The following WEE2 variants were observed in gnomAD, a reference collection of about 807,000 sequenced individuals.
The protein encoded by WEE2 is WEE2 oocyte meiosis inhibiting kinase.
WEE2 carries 50 observed loss-of-function variants against 60.1 expected under a neutral mutation model. That is an observed-to-expected ratio of 0.83 (90% CI 0.66 to 1.05). The LOEUF (loss-of-function observed/expected upper bound fraction) is 1.05, where lower values mean the gene tolerates loss of function less well. Among genes scored for constraint, WEE2 ranks in the 50% least tolerant of loss-of-function variants. WEE2 has a pLI of 0.00. For synonymous variants in WEE2, 240 were observed against 241.0 expected (o/e 1.00, Z 0.04); for missense variants, 631 against 684.3 (o/e 0.92, Z 0.87).
chr7:141,719,177 A>C lies in WEE2; in HGVS notation c.691A>C (p.Lys231Gln). The C allele has an allele frequency of 1.2e-6, 2 of 1,614,072 alleles. No individual in the cohort carries two copies. The highest frequency in any genetic ancestry group is 1.7e-6 in the Non-Finnish European group (2 of 1,179,958). The change falls in exon 4 of 12, where the codon AAG (lysine) becomes CAG (glutamine). Residue 231 changes from lysine (K) to glutamine (Q), a missense_variant. Lys to Gln is a moderately conservative substitution (Grantham distance 53). Transcript: ENST00000397541. The stretch of plus-strand genomic sequence containing the variant: ...ATTTGGTACAGTCTACAAGTGCATT[A>C]AGAGGCTGGATGGATGTGTTTATGC... ...GEFGTVYKCIKRLDGCVYAIK... is the reference protein window; with the variant it reads ...GEFGTVYKCIQRLDGCVYAIK...
At position 141,714,417 on chromosome 7, in the gene WEE2, A is replaced by G; in HGVS notation, c.539+12A>G. 2 of 1,595,026 alleles carry G rather than the reference A, an allele frequency of 1.3e-6. No individual in the cohort carries two copies. The highest frequency in any genetic ancestry group is 1.1e-5 in the South Asian group (1 of 87,898). On this transcript the variant is annotated intron_variant, in intron 2 of 11. Coordinates refer to ENST00000397541, the MANE Select transcript of WEE2 (RefSeq NM_001105558.1). ...ATAAGAGGAGATCTGTAAGTGCTCT[A>G]TTACTTATGACTTTTGAGAACTGAC...
chr7:141,725,125 C>A lies in WEE2; in HGVS notation c.1321C>A (p.His441Asn). The change falls in exon 9 of 12, where the codon CAC becomes AAC. Residue 441 changes from histidine to asparagine, a missense_variant. Transcript: ENST00000397541. The part of the protein sequence containing the change: ...ESLPTNGAAW[H>N]HIRKGNFPDV... ...ATTGCCCACCAATGGTGCTGCATGG[C>A]ACCATATCCGCAAGGGTAACTTTCC... is the stretch of plus-strand genomic sequence containing the variant. 6.2e-7 allele frequency: 1 copy of A among 1,614,168 alleles called. No homozygotes were observed. The highest frequency in any genetic ancestry group is 8.5e-7 in the Non-Finnish European group (1 of 1,180,026).
chr7:141,710,193 C>T (rs1345941238), intron 1 of WEE2, among the ~76,000 whole-genome samples: 2 of 152,170 alleles, frequency 1.3e-5, no homozygotes, highest in African/African-American at 4.8e-5. Flanking sequence ...ACAGTCTCTG[C>T]CCTCAAAGAG....
intron 2 of WEE2, 122 bp downstream of exon 2, chr7:141,714,527 A>T: frequency 1.4e-6 from 1 of 701,606 alleles, no homozygotes; most frequent in Non-Finnish European, 2.3e-6. Flanking sequence ...ATATGCTTAC[A>T]TATTCTCCCC....
At chr7:141,728,603 T>C (rs1799062588) in intron 10 of WEE2, among the ~76,000 whole-genome samples, 1 of 152,192 alleles carries the variant, frequency 6.6e-6, no homozygotes, top group African/African-American at 2.4e-5. Context: ...GTGACTATCA[T>C]CAGCCAGTAC....
At chr7:141,729,988 T>TAAAAAA (rs752330849) in intron 11 of WEE2, among the ~76,000 whole-genome samples, 6 of 99,348 alleles carry the variant, frequency 6.0e-5, no homozygotes, top group Non-Finnish European at 1.3e-4. Flanking sequence ...ACTCTGTATC[T>TAAAAAA]AAAAAAAAAA....
intron 3 of WEE2, 108 bp downstream of exon 3, chr7:141,716,375 C>T: frequency 9.3e-7 from 1 of 1,076,570 alleles, no homozygotes; most frequent in Non-Finnish European, 1.4e-6. Flanking sequence ...CCCTTCTTCC[C>T]TACCCTCCCT....
At chr7:141,709,135 C>A in intron 1 of WEE2, 35 bp downstream of exon 1, 1 of 1,575,242 alleles carries the variant, frequency 6.3e-7, no homozygotes, top group Non-Finnish European at 8.7e-7. Flanking sequence ...GGACGCAGGT[C>A]GCCAAGCTCT....
In WEE2 at chr7:141,727,377, C is replaced by G. The variant is rs759776782; in HGVS notation, c.1466C>G (p.Ser489Cys). 1.2e-6 allele frequency: 2 copies of G among 1,614,060 alleles called. No homozygotes were observed. Among genetic ancestry groups the G allele is most frequent in the East Asian group, 2.2e-5 (1 of 44,884 alleles). The change falls in exon 10 of 12, where the codon TCC becomes TGC. Residue 489 changes from serine to cysteine, a missense_variant. Coordinates refer to ENST00000397541, the MANE Select transcript of WEE2 (RefSeq NM_001105558.1). ...GCCAGAAATACAGTTCTCCGGCCTT[C>G]CCTGGGAAAAACAGAAGAGCTCCAA... ...ALARNTVLRP[S>C]LGKTEELQQQ...
Position 141,723,967 on chromosome 7 carries a change from CA to C in WEE2, c.1057del (p.Ser353ValfsTer7). 6.2e-7 allele frequency: 1 copy of C among 1,610,116 alleles called. No individual in the cohort carries two copies. The highest frequency in any genetic ancestry group is 8.5e-7 in the Non-Finnish European group (1 of 1,178,414). On this transcript the variant is annotated frameshift_variant, in exon 7 of 12. Coordinates refer to ENST00000397541, the MANE Select transcript of WEE2 (RefSeq NM_001105558.1). LOFTEE classifies it high-confidence loss of function. Reference sequence around the variant, plus strand: ...TAATATATTCATTTGTCACAAGATGCAAAGTGAATCCTCTGGAGTCATAGAA... The same window carrying C: ...TAATATATTCATTTGTCACAAGATGCAAGTGAATCCTCTGGAGTCATAGAA... ...PSNIFICHKM[Q>X]SESSGVIEEV...
In WEE2 at chr7:141,721,634, AT is replaced by A. The variant is rs1051290672; in HGVS notation, c.880+587del. ...CCACCATGCCTGGCTAATTTTTTGT[AT>A]TTTTTTTTAATAGAGGCGGGGTTTC... On this transcript the variant is annotated intron_variant, in intron 5 of 11. Transcript: ENST00000397541. Among the ~76,000 whole-genome samples the A allele has an allele frequency of 4.0e-5, 6 of 150,244 alleles. 1 individual carries two copies. Among genetic ancestry groups the A allele is most frequent in the Admixed American group, 2.0e-4 (3 of 15,064 alleles).
At chr7:141,718,943 G>T in intron 3 of WEE2, 129 bp from the exon 4 acceptor site, 1 of 766,264 alleles carries the variant, frequency 1.3e-6, no homozygotes, top group Non-Finnish European at 2.1e-6. Flanking sequence ...GACCCAAGTA[G>T]AATTCATTGC....
At chr7:141,727,682 C>T in intron 10 of WEE2, 1 of 481,162 alleles carries the variant, frequency 2.1e-6, no homozygotes. Context: ...ACAAAGGAAG[C>T]AAGAGTGAGG....
intron 6 of WEE2, 127 bp from the exon 7 acceptor site, chr7:141,723,814 C>A: frequency 4.8e-6 from 3 of 621,166 alleles, no homozygotes; most frequent in East Asian, 2.9e-5. Context: ...AAAAAAAAAC[C>A]TTAGTAGTCT....
intron 3 of WEE2, 35 bp downstream of exon 3, chr7:141,716,302 T>C: frequency 6.2e-7 from 1 of 1,602,304 alleles, no homozygotes; most frequent in Non-Finnish European, 8.5e-7. Context: ...GGCCACAATA[T>C]AGGCAGTTTA....
At chr7:141,713,295 A>C (rs1242296945) in intron 1 of WEE2, among the ~76,000 whole-genome samples, 1 of 152,200 alleles carries the variant, frequency 6.6e-6, no homozygotes, top group African/African-American at 2.4e-5. Flanking sequence ...AGAGCCTCAC[A>C]GTGCAATGCT....
At chr7:141,724,837 G>C (rs1798981954) in intron 8 of WEE2, among the ~76,000 whole-genome samples, 189 bp from the exon 9 acceptor site, 1 of 152,220 alleles carries the variant, frequency 6.6e-6, no homozygotes, top group East Asian at 1.9e-4. Context: ...TCAGGGCACA[G>C]CAGTGTTAAT....
chr7:141,716,264 C>T lies in WEE2; in HGVS notation c.582C>T (p.Ala194=). The change falls in exon 3 of 12, where the codon GCC becomes GCT. Residue 194 remains alanine (A), a synonymous_variant. Transcript: ENST00000397541. ...AGGAAGGCAAGGGAGGGCTGCCTGC[C>T]AAGGTAAGCGTAGTTCTTTGTCCCA... ...GPEEGKGGLP[A]KRCVLRETNM... is the part of the protein sequence containing the mutation. 8 of 1,612,682 alleles carry T rather than the reference C, an allele frequency of 5.0e-6. No homozygotes were observed. Among genetic ancestry groups the T allele is most frequent in the Non-Finnish European group, 6.8e-6 (8 of 1,179,338 alleles).
intron 1 of WEE2, among the ~76,000 whole-genome samples, chr7:141,712,737 T>G (rs1239264666): frequency 6.6e-6 from 1 of 152,222 alleles, no homozygotes; most frequent in African/African-American, 2.4e-5. Flanking sequence ...TTCTTTGAGA[T>G]GTGACAACTA....
Sources: allele counts gnomAD v4.1 joint callset (sites outside exome capture counted in the v4.1 genomes callset), GRCh38; gene constraint gnomAD v4.1.1; transcripts MANE v1.5; gene names NCBI Gene and HGNC (gene_info 2026-07-23, HGNC 2026-07-21).